NUP210L: variants seen among roughly 807,000 people sequenced by gnomAD.
NUP210L encodes the protein nucleoporin 210 like.
A neutral mutation model predicts 208.5 loss-of-function variants in NUP210L; 74 were observed. The ratio of observed to expected loss-of-function variants is 0.35; its 90% confidence interval spans 0.29 to 0.43. The LOEUF is 0.43. Among genes scored for constraint, NUP210L ranks in the 20% least tolerant of loss-of-function variants. The pLI, the probability that NUP210L is intolerant of heterozygous loss-of-function variation, is 1.00. For synonymous variants in NUP210L, 780 were observed against 816.9 expected, an observed-to-expected ratio of 0.95 and a Z score of 0.77; for missense variants, 1,843 against 2,289.4, an observed-to-expected ratio of 0.81 and a Z score of 3.98.
intron 23 of NUP210L, among the ~76,000 whole-genome samples, chr1:154,055,999 C>A (rs1653845952): frequency 6.6e-6 from 1 of 152,090 alleles, no homozygotes; most frequent in South Asian, 2.1e-4. Flanking sequence ...GCAGAGGTTG[C>A]ACTGAGCCAA....
At chr1:154,058,145 T>C in exon 22 of NUP210L, 1 of 1,614,132 alleles carries the variant, frequency 6.2e-7, no homozygotes, top group Non-Finnish European at 8.5e-7. Flanking sequence ...TTCTGAAGTA[T>C]TTATTTTGGA....
intron 16 of NUP210L, among the ~76,000 whole-genome samples, chr1:154,087,249 G>A (rs1330144738): frequency 2.7e-5 from 4 of 150,864 alleles, no homozygotes; most frequent in Non-Finnish European, 5.9e-5. Flanking sequence ...GAACCCGGGG[G>A]CTGGAGGTTG....
chr1:154,154,764 G>C (rs1237907511), intron 1 of NUP210L, 78 bp downstream of exon 1: 1 of 1,165,836 alleles, frequency 8.6e-7, no homozygotes, highest in Middle Eastern at 2.5e-4. Context: ...ATTCCTGTGG[G>C]ATCTTACAGA....
chr1:154,110,910 A>C lies in NUP210L; in HGVS notation c.1621-6700T>G, dbSNP rs376203614. Among the ~76,000 whole-genome samples the C allele has an allele frequency of 4.6e-5, 7 of 151,688 alleles. No individual in the cohort carries two copies. The South Asian group carries it at 6.2e-4, about 13-fold the overall frequency. On this transcript the variant is annotated intron_variant, in intron 12 of 39. Transcript: ENST00000368559. ...AGAAAAACAAAACTGCAAAAGCAAG[A>C]GCAAACCAAAGCCAAAATTAGTAGA...
rs750741561 is a variant in NUP210L at position 154,129,269 on chromosome 1, T to TA, written c.1078+7dup. 2 of 1,577,510 alleles carry TA rather than the reference T, an allele frequency of 1.3e-6. No individual in the cohort carries two copies. Among genetic ancestry groups the TA allele is most frequent in the Non-Finnish European group, 1.7e-6 (2 of 1,150,454 alleles). Reference sequence around the variant, plus strand: ...ATCCACCTTTCTGAAAAGTATGATCTAAAATACCTAAAAATCCAGGCTCTA... The same window carrying TA: ...ATCCACCTTTCTGAAAAGTATGATCTAAAAATACCTAAAAATCCAGGCTCTA... On this transcript the variant is annotated splice_region_variant and intron_variant, in intron 8 of 39. Coordinates refer to ENST00000368559, the Ensembl canonical transcript of NUP210L.
rs142218774 is a variant in NUP210L at position 154,070,898 on chromosome 1, C to T, written c.2362-433G>A. On this transcript the variant is annotated intron_variant, in intron 16 of 39. Coordinates refer to ENST00000368559, the Ensembl canonical transcript of NUP210L. The stretch of plus-strand genomic sequence containing the variant: ...TCAATATTTCCATTCCCCAAAATGT[C>T]GCCCCAAAATATTTTTATACGTTTT... Among the ~76,000 whole-genome samples the T allele has an allele frequency of 1.2e-4, 19 of 152,198 alleles. No homozygotes were observed. The East Asian group carries it at 3.3e-3, about 26-fold the overall frequency.
chr1:154,050,590 C>T (rs1169165066), intron 25 of NUP210L, among the ~76,000 whole-genome samples: 6 of 152,156 alleles, frequency 3.9e-5, no homozygotes, highest in Non-Finnish European at 8.8e-5. Flanking sequence ...AATGGGAGAA[C>T]TCAGATTGTC....
intron 25 of NUP210L, among the ~76,000 whole-genome samples, chr1:154,050,774 G>A (rs907587072): frequency 6.6e-6 from 1 of 152,062 alleles, no homozygotes; most frequent in African/African-American, 2.4e-5. Flanking sequence ...TAACTAATTG[G>A]ATTCTCCCTA....
chr1:154,113,116 C>T (rs961892612), intron 12 of NUP210L, among the ~76,000 whole-genome samples: 3 of 149,948 alleles, frequency 2.0e-5, no homozygotes, highest in Admixed American at 6.7e-5. Flanking sequence ...GAGAGTGTAC[C>T]ACTGCACTCC....
intron 17 of NUP210L, among the ~76,000 whole-genome samples, chr1:154,065,892 CAAAAAAAAAAAAA>C (rs58053478): frequency 1.6e-5 from 1 of 61,112 alleles, no homozygotes; most frequent in Non-Finnish European, 2.9e-5. Context: ...GACTCTGTCT[CAAAAAAAAAAAAA>C]AAAAAAAAAA....
chr1:154,100,908 C>A (rs1002321625), intron 13 of NUP210L, among the ~76,000 whole-genome samples: 1 of 152,042 alleles, frequency 6.6e-6, no homozygotes, highest in African/African-American at 2.4e-5. Context: ...CACAGTGGCT[C>A]ATGCCTATAA....
chr1:154,023,793 AT>A (rs1434065028), intron 30 of NUP210L, among the ~76,000 whole-genome samples: 75 of 123,628 alleles, frequency 6.1e-4, no homozygotes, highest in East Asian at 7.1e-4. Flanking sequence ...TGGGTTTTTA[AT>A]TTTTTTTTTT....
At chr1:154,134,601 G>A (rs866627152) in intron 7 of NUP210L, among the ~76,000 whole-genome samples, 119 of 151,006 alleles carry the variant, frequency 7.9e-4, no homozygotes, top group African/African-American at 2.7e-3. Flanking sequence ...GCTGGGCGAG[G>A]TGACGGGCGC....
intron 21 of NUP210L, 72 bp from the exon 22 acceptor site, chr1:154,058,288 C>T (rs2147993429): frequency 1.3e-6 from 2 of 1,506,450 alleles, no homozygotes; most frequent in South Asian, 2.4e-5. Context: ...TCTTAGAGGG[C>T]AGTGTACTTT....
At chr1:154,107,993 AAG>A (rs1476112788) in intron 12 of NUP210L, among the ~76,000 whole-genome samples, 3 of 152,206 alleles carry the variant, frequency 2.0e-5, no homozygotes, top group East Asian at 3.9e-4. Context: ...AGAGGAGGTA[AAG>A]AGAGAGATTT....
intron 17 of NUP210L, among the ~76,000 whole-genome samples, chr1:154,066,344 G>A (rs1654413703): frequency 1.3e-5 from 2 of 152,182 alleles, no homozygotes; most frequent in Admixed American, 6.5e-5. Context: ...TGGGCGCGGT[G>A]GCTCACGCCT....
At chr1:154,087,245 G>C (rs560460437) in intron 16 of NUP210L, among the ~76,000 whole-genome samples, 1 of 151,416 alleles carries the variant, frequency 6.6e-6, no homozygotes, top group Non-Finnish European at 1.5e-5. Flanking sequence ...ATTTGAACCC[G>C]GGGGCTGGAG....
chr1:154,118,879 CA>C (rs1349696414), intron 10 of NUP210L, 71 bp from the exon 11 acceptor site: 2 of 841,394 alleles, frequency 2.4e-6, no homozygotes, highest in Admixed American at 2.6e-5. Context: ...TTCATATACT[CA>C]AAACATCAGC....
exon 14 of NUP210L, chr1:154,100,094 A>C: frequency 6.2e-7 from 1 of 1,613,992 alleles, no homozygotes; most frequent in African/African-American, 1.3e-5. Context: ...CAAGAGATTT[A>C]GCTGCGATAT....
Sources: gnomAD v4.1 joint callset for allele counts (sites outside exome capture counted in the v4.1 genomes callset) on GRCh38, gnomAD v4.1.1 for gene constraint, MANE v1.5 for transcripts, NCBI Gene and HGNC (gene_info 2026-07-23, HGNC 2026-07-21) for gene names.